Variants in RSPH14 observed in about 807,000 individuals in gnomAD.
RSPH14 encodes the protein rhabdoid tumor deletion region gene 1.
RSPH14 carries 20 observed loss-of-function variants against 26.7 expected under a neutral mutation model. The observed-to-expected ratio is 0.75, with a 90% CI of 0.53 to 1.09. The LOEUF (loss-of-function observed/expected upper bound fraction) is 1.09, where lower values mean the gene tolerates loss of function less well. Ranked by LOEUF, RSPH14 falls within the 50% of genes least tolerant of loss-of-function variation. The pLI is 0.00. For synonymous variants in RSPH14, 177 were observed against 189.3 expected (o/e 0.93, Z 0.53); for missense variants, 449 against 457.2 (o/e 0.98, Z 0.16).
intron 4 of RSPH14, among the ~76,000 whole-genome samples, chr22:23,103,485 C>T (rs901318744): frequency 6.6e-6 from 1 of 152,028 alleles, no homozygotes; most frequent in Non-Finnish European, 1.5e-5. Context: ...CAGTGACTCC[C>T]AGCTCTGACC....
chr22:23,104,883 G>A (rs2069414753), intron 4 of RSPH14, among the ~76,000 whole-genome samples: 1 of 152,228 alleles, frequency 6.6e-6, no homozygotes, highest in Admixed American at 6.5e-5. Context: ...GTCAGCTAGG[G>A]TGCATGGCCC....
At chr22:23,131,975 G>A (rs1370945012) in intron 4 of RSPH14, among the ~76,000 whole-genome samples, 1 of 152,150 alleles carries the variant, frequency 6.6e-6, no homozygotes, top group African/African-American at 2.4e-5. Flanking sequence ...GACCCTCACA[G>A]GCTCTGCTCT....
At chr22:23,082,762 C>T (rs2068718438) in intron 4 of RSPH14, among the ~76,000 whole-genome samples, 1 of 152,048 alleles carries the variant, frequency 6.6e-6, no homozygotes, top group South Asian at 2.1e-4. Context: ...AGTCCAGGGA[C>T]AACCTGCAGG....
At chr22:23,174,151 G>T in the RSPH14 span, among the ~76,000 whole-genome samples, 2,380 of 152,176 alleles carry the variant, frequency 0.016, 29 homozygotes, top group Non-Finnish European at 0.025. Context: ...GGTGGCCTCC[G>T]GGAGGGGTTT....
chr22:23,149,387 G>A (rs1336033191), upstream of RSPH14, among the ~76,000 whole-genome samples: 2 of 152,158 alleles, frequency 1.3e-5, no homozygotes, highest in African/African-American at 4.8e-5. Flanking sequence ...GGTGGGTGGG[G>A]TACGTGCAGT....
At chr22:23,125,035 C>T (rs1297521602) in intron 4 of RSPH14, 1 of 152,202 alleles carries the variant, frequency 6.6e-6, no homozygotes, top group Non-Finnish European at 1.5e-5. Flanking sequence ...TGAATGGAGC[C>T]CAGCATTGTC....
intron 4 of RSPH14, among the ~76,000 whole-genome samples, chr22:23,108,033 C>T (rs1040081905): frequency 2.6e-5 from 4 of 152,188 alleles, no homozygotes; most frequent in East Asian, 3.9e-4. Flanking sequence ...ACAGAAGTGG[C>T]GGGTCTGGGT....
upstream of RSPH14, chr22:23,144,972 A>G (rs2146466762): frequency 5.6e-6 from 1 of 179,270 alleles, no homozygotes; most frequent in East Asian, 1.5e-4. Context: ...TAAGGAAATT[A>G]ATTTTGTACC....
upstream of RSPH14, among the ~76,000 whole-genome samples, chr22:23,147,643 A>G (rs144971181): frequency 1.6e-4 from 25 of 152,274 alleles, no homozygotes; most frequent in African/African-American, 5.8e-4. Context: ...TTGCTATTCT[A>G]TTTCTAGGAA....
the RSPH14 span, chr22:23,156,023 G>T: frequency 6.2e-7 from 1 of 1,612,160 alleles, no homozygotes; most frequent in South Asian, 1.1e-5. Context: ...CTACTACCGG[G>T]GTGCCCAGGG....
At chr22:23,162,280 A>G in the RSPH14 span, 2 of 239,662 alleles carry the variant, frequency 8.3e-6, no homozygotes, top group Admixed American at 9.9e-5. Flanking sequence ...CAGGATGTGC[A>G]GAACAACCAC....
At chr22:23,116,104 C>T (rs2146379732) in intron 4 of RSPH14, among the ~76,000 whole-genome samples, 1 of 152,376 alleles carries the variant, frequency 6.6e-6, no homozygotes, top group African/African-American at 2.4e-5. Flanking sequence ...TGCCCAGGAC[C>T]ACGTCTGTGT....
At chr22:23,138,509 C>T (rs564579988) in intron 3 of RSPH14, among the ~76,000 whole-genome samples, 1 of 152,160 alleles carries the variant, frequency 6.6e-6, no homozygotes, top group South Asian at 2.1e-4. Context: ...CTGCAGTGAG[C>T]TGAGATCGTG....
chr22:23,095,981 C>T (rs1333699803), intron 4 of RSPH14: 2 of 1,610,476 alleles, frequency 1.2e-6, no homozygotes, highest in Non-Finnish European at 1.7e-6. Flanking sequence ...GATCGACTTC[C>T]ACAACCCCGA....
intron 4 of RSPH14, among the ~76,000 whole-genome samples, chr22:23,119,645 G>C (rs1472414088): frequency 6.6e-6 from 1 of 152,220 alleles, no homozygotes; most frequent in East Asian, 1.9e-4. Flanking sequence ...CTCCTACTAG[G>C]GTGGAGCCCA....
At chr22:23,123,907 G>A (rs909548389) in intron 4 of RSPH14, 3 of 215,366 alleles carry the variant, frequency 1.4e-5, no homozygotes, top group Non-Finnish European at 2.8e-5. Context: ...TGACCAAGAG[G>A]GAGGACCAGT....
chr22:23,070,600 C>G (rs1475896989), intron 4 of RSPH14: 1 of 151,768 alleles, frequency 6.6e-6, no homozygotes, highest in Non-Finnish European at 1.5e-5. Context: ...GCCGGCCGCG[C>G]GCCGCTGAGC....
At position 23,108,204 on chromosome 22, in the gene RSPH14, T is replaced by G. The variant is rs994441057; in HGVS notation, c.421+25822A>C. Among the ~76,000 whole-genome samples the G allele has an allele frequency of 1.9e-4, 29 of 152,238 alleles. 1 individual carries two copies. Among genetic ancestry groups the G allele is most frequent in the Admixed American group, 1.9e-3 (29 of 15,290 alleles). On this transcript the variant is annotated intron_variant, in intron 4 of 6. Coordinates refer to ENST00000216036, the MANE Select transcript of RSPH14 (RefSeq NM_014433.3). ...TGCCACACCAAACGCCTGCAGCATG[T>G]GCCATCTGGCCTTGCCTGCCATCCA...
At chr22:23,172,945 A>C in the RSPH14 span, among the ~76,000 whole-genome samples, 1 of 151,180 alleles carries the variant, frequency 6.6e-6, no homozygotes, top group Non-Finnish European at 1.5e-5. Context: ...ACGAGACTGC[A>C]TCTAAAAAAA....
Sources: gnomAD v4.1 joint callset for allele counts (sites outside exome capture counted in the v4.1 genomes callset) on GRCh38, gnomAD v4.1.1 for gene constraint, MANE v1.5 for transcripts, NCBI Gene and HGNC (gene_info 2026-07-23, HGNC 2026-07-21) for gene names.